Variants in LPP observed in about 807,000 individuals in gnomAD.
LPP encodes the protein LIM domain containing preferred translocation partner in lipoma.
A neutral mutation model predicts 60.4 loss-of-function variants in LPP; 38 were observed. The observed-to-expected ratio is 0.63, with a 90% CI of 0.49 to 0.83. LPP has a LOEUF of 0.83. LPP is among the 40% of genes least tolerant of loss of function. The pLI is 0.00. For synonymous variants in LPP, 328 were observed against 290.8 expected (o/e 1.13, Z -1.30); for missense variants, 902 against 783.6 (o/e 1.15, Z -1.80).
At chr3:188,409,875 A>AT (rs1419250440) in intron 4 of LPP, among the ~76,000 whole-genome samples, 2 of 152,186 alleles carry the variant, frequency 1.3e-5, no homozygotes, top group African/African-American at 4.8e-5. Context: ...AGTGTAAGTT[A>AT]TTTGTTCAGA....
chr3:188,226,087 C>T (rs1359261385), intron 2 of LPP, among the ~76,000 whole-genome samples: 1 of 152,150 alleles, frequency 6.6e-6, no homozygotes, highest in Admixed American at 6.5e-5. Flanking sequence ...TGGCTCACTG[C>T]AACCTCCACC....
At position 188,203,662 on chromosome 3, in the gene LPP, G is replaced by A. The variant is rs1415264552; in HGVS notation, c.-189-21743G>A. Among the ~76,000 whole-genome samples, 4 of 132,924 alleles carry A rather than the reference G, an allele frequency of 3.0e-5. No individual in the cohort carries two copies. In the East Asian group the frequency reaches 8.7e-4, roughly 29 times the overall value. 87.2% of individuals were successfully genotyped at this position (132,924 alleles called of 152,430 possible). A position where few individuals can be genotyped will look rare whatever the true frequency, so the allele number is the denominator to read the frequency against. ...TGTATATATATTTTTTCTCTTTTTTGTAGAGAGAAGATCTCGCTATGTTGC... is the reference window on the plus strand; with the variant it reads ...TGTATATATATTTTTTCTCTTTTTTATAGAGAGAAGATCTCGCTATGTTGC... On this transcript the variant is annotated intron_variant, in intron 1 of 11. Coordinates refer to ENST00000617246, the MANE Select transcript of LPP (RefSeq NM_001375462.1).
rs984525208 is a variant in LPP at position 188,341,724 on chromosome 3, G to C, written c.-10+5G>C. On this transcript the variant is annotated splice_donor_5th_base_variant and intron_variant, in intron 3 of 11. Coordinates refer to ENST00000617246, the MANE Select transcript of LPP (RefSeq NM_001375462.1). Reference sequence around the variant, plus strand: ...TCCAGGAGCCAGCTATCTGAGGTAAGAGAGGAGGCGTGTCTTCTTGTTTAT... The same window carrying C: ...TCCAGGAGCCAGCTATCTGAGGTAACAGAGGAGGCGTGTCTTCTTGTTTAT... The C allele has an allele frequency of 1.0e-5, 10 of 982,648 alleles. No homozygotes were observed. The highest frequency in any genetic ancestry group is 1.1e-5 in the Non-Finnish European group (9 of 827,532). The allele number at this position is 982,648 out of a possible 1,614,324, so 60.9% of individuals were successfully genotyped here.
At chr3:188,625,000 A>G (rs1319458142) in intron 7 of LPP, among the ~76,000 whole-genome samples, 2 of 151,198 alleles carry the variant, frequency 1.3e-5, no homozygotes, top group Non-Finnish European at 2.9e-5. Flanking sequence ...TTATCATGTG[A>G]GGGAAGTCTT....
At position 188,760,233 on chromosome 3, in the gene LPP, A is replaced by G; in HGVS notation, c.1361A>G (p.Gln454Arg). The G allele has an allele frequency of 6.2e-7, 1 of 1,614,174 alleles. No homozygotes were observed. The highest frequency in any genetic ancestry group is 8.5e-7 in the Non-Finnish European group (1 of 1,180,014). ...CIICNNKLRG[Q>R]PFYAVEKKAY... The stretch of plus-strand genomic sequence containing the variant: ...ATCTGCAACAACAAGCTCCGAGGGC[A>G]GCCATTCTATGCTGTGGAAAAGAAA... Residue 454 changes from glutamine (Q) to arginine (R), a missense_variant, in exon 9 of 12, where the codon CAG (glutamine) becomes CGG (arginine). Coordinates refer to ENST00000617246, the MANE Select transcript of LPP (RefSeq NM_001375462.1).
chr3:188,636,275 T>G (rs545267375), intron 7 of LPP, among the ~76,000 whole-genome samples: 2 of 152,306 alleles, frequency 1.3e-5, no homozygotes, highest in East Asian at 3.9e-4. Flanking sequence ...TTCCCTTTCC[T>G]AACCAAAGAA....
At chr3:188,512,277 G>T (rs1815923106) in intron 5 of LPP, among the ~76,000 whole-genome samples, 1 of 152,092 alleles carries the variant, frequency 6.6e-6, no homozygotes, top group African/African-American at 2.4e-5. Context: ...AAAATTCTCG[G>T]CCAGACATGG....
chr3:188,456,023 GC>G (rs1433831254), intron 4 of LPP, among the ~76,000 whole-genome samples: 2 of 152,164 alleles, frequency 1.3e-5, no homozygotes, highest in Non-Finnish European at 1.5e-5. Context: ...TTCTCGAGTA[GC>G]TGGGACTATT....
chr3:188,451,048 T>C (rs562998330), intron 4 of LPP, among the ~76,000 whole-genome samples: 13 of 152,116 alleles, frequency 8.5e-5, no homozygotes, highest in Non-Finnish European at 1.9e-4. Flanking sequence ...GTGTTTTTTG[T>C]TTTTTGTTTT....
intron 6 of LPP, among the ~76,000 whole-genome samples, chr3:188,560,680 A>C (rs183706201): frequency 1.4e-3 from 208 of 152,016 alleles, no homozygotes; most frequent in African/African-American, 4.8e-3. Context: ...ATCTTTTTCT[A>C]TGTTTTCTTC....
At chr3:188,698,470 G>T (rs1863739126) in intron 7 of LPP, among the ~76,000 whole-genome samples, 1 of 150,900 alleles carries the variant, frequency 6.6e-6, no homozygotes, top group Non-Finnish European at 1.5e-5. Context: ...CACACAAATA[G>T]AGATCTTCTC....
chr3:188,803,823 G>A lies in LPP; in HGVS notation c.1410+43541G>A, dbSNP rs116330502. ...CCTTTGCATATAAATTTTAAAATTC[G>A]TTTGTCAGTTTTTACAAAAATCCTT... On this transcript the variant is annotated intron_variant, in intron 9 of 11. Coordinates refer to ENST00000617246, the MANE Select transcript of LPP (RefSeq NM_001375462.1). Among the ~76,000 whole-genome samples the A allele has an allele frequency of 9.0e-3, 1,371 of 152,150 alleles. 24 individuals are homozygous for A. Among genetic ancestry groups the A allele is most frequent in the African/African-American group, 0.03 (1,246 of 41,518 alleles).
At chr3:188,522,805 ATATATATATATGTG>A (rs1298370699) in intron 5 of LPP, among the ~76,000 whole-genome samples, 1 of 145,142 alleles carries the variant, frequency 6.9e-6, no homozygotes, top group Non-Finnish European at 1.5e-5. Flanking sequence ...ATATATATAT[ATATATATATATGTG>A]TATGTGTGTG....
intron 4 of LPP, among the ~76,000 whole-genome samples, chr3:188,431,857 T>C (rs1012626201): frequency 3.9e-5 from 6 of 152,198 alleles, no homozygotes; most frequent in African/African-American, 1.4e-4. Flanking sequence ...ATTGTTCCCA[T>C]AGAATATCGT....
chr3:188,154,665 C>T (rs983391270), intron 1 of LPP, among the ~76,000 whole-genome samples: 2 of 152,214 alleles, frequency 1.3e-5, no homozygotes, highest in Admixed American at 6.5e-5. Context: ...AGGAGGGTCG[C>T]CCGGAAGTTA....
At chr3:188,528,520 T>C (rs1441888269) in intron 6 of LPP, among the ~76,000 whole-genome samples, 6 of 152,350 alleles carry the variant, frequency 3.9e-5, no homozygotes, top group African/African-American at 1.4e-4. Flanking sequence ...AGGTTTATTC[T>C]GCAGCTACGT....
intron 2 of LPP, among the ~76,000 whole-genome samples, chr3:188,262,275 C>T (rs1471571560): frequency 2.6e-5 from 4 of 151,456 alleles, no homozygotes; most frequent in African/African-American, 9.7e-5. Context: ...CTACCAAGCA[C>T]GATTATGGGT....
At position 188,881,288 on chromosome 3, in the gene LPP, C is replaced by T. The variant is rs1769985975; in HGVS notation, c.*6809C>T. The stretch of plus-strand genomic sequence containing the variant: ...TACGTCTATTCTAGCTCTGTAGCTC[C>T]ACAAAACAAGTCTTAAGTCCAAATC... On this transcript the variant is annotated 3_prime_UTR_variant, in exon 12 of 12. Transcript: ENST00000617246. The T allele has an allele frequency of 5.2e-6, 1 of 192,834 alleles. No homozygotes were observed. The highest frequency in any genetic ancestry group is 1.1e-5 in the Non-Finnish European group (1 of 92,146). The allele number at this position is 192,834 out of a possible 1,614,324, so 11.9% of individuals were successfully genotyped here. A position where few individuals can be genotyped will look rare whatever the true frequency, so the allele number is the denominator to read the frequency against.
At chr3:188,782,277 C>T (rs1209204276) in intron 9 of LPP, among the ~76,000 whole-genome samples, 3 of 152,148 alleles carry the variant, frequency 2.0e-5, no homozygotes, top group Non-Finnish European at 4.4e-5. Flanking sequence ...CTTTCAGGAC[C>T]ATCCTTGCCA....
Sources: gnomAD v4.1 joint callset for allele counts (sites outside exome capture counted in the v4.1 genomes callset) on GRCh38, gnomAD v4.1.1 for gene constraint, MANE v1.5 for transcripts, NCBI Gene and HGNC (gene_info 2026-07-23, HGNC 2026-07-21) for gene names.